The following RALYL variants were observed in gnomAD, a reference collection of about 807,000 sequenced individuals.
RALYL encodes the protein RNA-binding Raly-like protein.
RALYL carries 29 observed loss-of-function variants against 35.1 expected under a neutral mutation model. That is an observed-to-expected ratio of 0.83 (90% CI 0.61 to 1.13). The LOEUF is 1.13. Among genes scored for constraint, RALYL ranks in the 50% most tolerant of loss-of-function variants. The probability of loss-of-function intolerance (pLI) is 0.00; values close to 1 mark genes in which losing one functional copy is unlikely to be tolerated. For missense variants in RALYL, 359 were observed against 360.4 expected (o/e 1.00, Z 0.03); for synonymous variants, 120 against 127.6 (o/e 0.94, Z 0.40).
At chr8:84,190,118 G>A (rs1363184789) in intron 1 of RALYL, among the ~76,000 whole-genome samples, 1 of 152,180 alleles carries the variant, frequency 6.6e-6, no homozygotes, top group Non-Finnish European at 1.5e-5. Flanking sequence ...TGGAGCTTTT[G>A]CAGTGTGATG....
intron 2 of RALYL, among the ~76,000 whole-genome samples, chr8:84,757,406 C>T (rs552063075): frequency 1.1e-4 from 16 of 152,252 alleles, no homozygotes; most frequent in African/African-American, 3.9e-4. Flanking sequence ...TCGGTACAGA[C>T]ATTCATTCAA....
intron 2 of RALYL, among the ~76,000 whole-genome samples, chr8:84,571,614 G>T (rs1008450085): frequency 7.9e-5 from 12 of 151,510 alleles, no homozygotes; most frequent in African/African-American, 2.7e-4. Flanking sequence ...GTCTCATTTA[G>T]TTCTCCTCTT....
At chr8:84,415,076 A>G (rs940227083) in intron 1 of RALYL, among the ~76,000 whole-genome samples, 1 of 151,936 alleles carries the variant, frequency 6.6e-6, no homozygotes, top group African/African-American at 2.4e-5. Context: ...GAAAGGACAT[A>G]AGGGTTATTG....
At chr8:84,778,732 G>A (rs1413874309) in intron 3 of RALYL, among the ~76,000 whole-genome samples, 2 of 152,280 alleles carry the variant, frequency 1.3e-5, no homozygotes, top group Middle Eastern at 3.4e-3. Flanking sequence ...GTTAAGGAGA[G>A]CTGACTTTTA....
intron 2 of RALYL, among the ~76,000 whole-genome samples, chr8:84,694,496 G>A (rs758014655): frequency 6.6e-6 from 1 of 151,768 alleles, no homozygotes; most frequent in Non-Finnish European, 1.5e-5. Context: ...TGTGTTTATG[G>A]ATTAAAAGAA....
At position 84,643,107 on chromosome 8, in the gene RALYL, A is replaced by G. The variant is rs150332264; in HGVS notation, c.256+113530A>G. 2.3e-3 allele frequency among the ~76,000 whole-genome samples: 344 copies of G among 152,002 alleles called. 1 individual carries two copies. Among genetic ancestry groups the G allele is most frequent in the African/African-American group, 8.0e-3 (331 of 41,506 alleles). On this transcript the variant is annotated intron_variant, in intron 2 of 8. Coordinates refer to ENST00000521268, the MANE Select transcript of RALYL (RefSeq NM_173848.7). Reference sequence around the variant, plus strand: ...ACAAAGGTCACACACTCACACATACAAACAAGTGGCATACCTCCAAAAAAT... The same window carrying G: ...ACAAAGGTCACACACTCACACATACGAACAAGTGGCATACCTCCAAAAAAT...
intron 2 of RALYL, among the ~76,000 whole-genome samples, chr8:84,536,700 T>C (rs1337565987): frequency 6.6e-6 from 1 of 152,172 alleles, no homozygotes; most frequent in Non-Finnish European, 1.5e-5. Flanking sequence ...ATTATGTAAT[T>C]CTATTACCAT....
chr8:84,838,992 G>A (rs893181501), intron 4 of RALYL, among the ~76,000 whole-genome samples: 5 of 152,164 alleles, frequency 3.3e-5, no homozygotes, highest in Non-Finnish European at 7.4e-5. Context: ...GGCAGGTGGG[G>A]CCAAGATGGC....
chr8:84,209,391 G>A (rs1818897439), intron 1 of RALYL, among the ~76,000 whole-genome samples: 1 of 152,124 alleles, frequency 6.6e-6, no homozygotes, highest in African/African-American at 2.4e-5. Context: ...TTTAGAATCA[G>A]ACATATCTAG....
intron 1 of RALYL, among the ~76,000 whole-genome samples, chr8:84,469,146 G>A (rs1472826750): frequency 2.0e-5 from 3 of 152,112 alleles, no homozygotes; most frequent in South Asian, 4.2e-4. Context: ...CTCTCAGCTC[G>A]TCAGTCATTC....
rs536630261 is a variant in RALYL at position 84,542,022 on chromosome 8, C to G, written c.256+12445C>G. Among the ~76,000 whole-genome samples, 35 of 152,076 alleles carry G rather than the reference C, an allele frequency of 2.3e-4. No individual in the cohort carries two copies. The South Asian group carries it at 6.8e-3, about 30-fold the overall frequency. On this transcript the variant is annotated intron_variant, in intron 2 of 8. Transcript: ENST00000521268. The stretch of plus-strand genomic sequence containing the variant: ...ACCTTTGTTTTTTTAATTCTAATAA[C>G]CTATTCACATTTAATTGCGGTTATA...
rs1822109812 is a variant in RALYL, at chr8:84,623,782, AGAGT to A, written c.256+94209_256+94212del. Among the ~76,000 whole-genome samples, 4 of 152,268 alleles carry A rather than the reference AGAGT, an allele frequency of 2.6e-5. No homozygotes were observed. In the South Asian group the frequency reaches 8.3e-4, roughly 32 times the overall value. ...ATCACAAATATGCTGTGGGAAAAAA[AGAGT>A]GAGAGGAAAAAAAATTTAAAATATC... On this transcript the variant is annotated intron_variant, in intron 2 of 8. Transcript: ENST00000521268.
chr8:84,263,131 G>T lies in RALYL; in HGVS notation c.-24+78707G>T, dbSNP rs537640902. Among the ~76,000 whole-genome samples the T allele has an allele frequency of 1.1e-3, 165 of 152,186 alleles. 1 individual carries two copies. Among genetic ancestry groups the T allele is most frequent in the African/African-American group, 3.8e-3 (157 of 41,522 alleles). On this transcript the variant is annotated intron_variant, in intron 1 of 8. Coordinates refer to ENST00000521268, the MANE Select transcript of RALYL (RefSeq NM_173848.7). ...TATGAATATATGCAAATAAAATAAA[G>T]ATTAGCTATTATTAATTGGGAAAAG...
chr8:84,867,963 T>C (rs768406175), intron 6 of RALYL, among the ~76,000 whole-genome samples: 3 of 152,212 alleles, frequency 2.0e-5, no homozygotes, highest in African/African-American at 4.8e-5. Context: ...ATAATTTCAA[T>C]ATCAGGTGAC....
At chr8:84,459,363 AG>A (rs2050487866) in intron 1 of RALYL, among the ~76,000 whole-genome samples, 1 of 151,860 alleles carries the variant, frequency 6.6e-6, no homozygotes, top group Non-Finnish European at 1.5e-5. Context: ...TACATTTCAA[AG>A]CCATGATTAG....
intron 2 of RALYL, among the ~76,000 whole-genome samples, chr8:84,663,628 G>T (rs796662604): frequency 6.6e-6 from 1 of 152,058 alleles, no homozygotes; most frequent in African/African-American, 2.4e-5. Context: ...CTTTTGAGAA[G>T]TGTCTGTTCA....
At chr8:84,636,756 T>G (rs1187209889) in intron 2 of RALYL, among the ~76,000 whole-genome samples, 1 of 151,892 alleles carries the variant, frequency 6.6e-6, no homozygotes, top group Non-Finnish European at 1.5e-5. Context: ...AATCCTTCTA[T>G]TGTCATAAAA....
At chr8:84,588,468 GT>G (rs1381801999) in intron 2 of RALYL, among the ~76,000 whole-genome samples, 1 of 152,176 alleles carries the variant, frequency 6.6e-6, no homozygotes, top group African/African-American at 2.4e-5. Context: ...GGAAACTGCA[GT>G]ACTATTTATG....
intron 1 of RALYL, among the ~76,000 whole-genome samples, chr8:84,307,949 A>G (rs948125520): frequency 2.0e-5 from 3 of 152,188 alleles, no homozygotes; most frequent in African/African-American, 7.2e-5. Flanking sequence ...AGTTGTGTAA[A>G]GCAAGTTAGT....
Sources: allele counts gnomAD v4.1 joint callset (sites outside exome capture counted in the v4.1 genomes callset), GRCh38; gene constraint gnomAD v4.1.1; transcripts MANE v1.5; gene names NCBI Gene and HGNC (gene_info 2026-07-23, HGNC 2026-07-21).